UEVLD: variants seen among roughly 807,000 people sequenced by gnomAD.
UEVLD encodes the protein UEV and lactate/malate dehyrogenase domains.
A neutral mutation model predicts 58.6 loss-of-function variants in UEVLD; 47 were observed. The ratio of observed to expected loss-of-function variants is 0.80; its 90% CI spans 0.63 to 1.02. The LOEUF (loss-of-function observed/expected upper bound fraction) is 1.02, where lower values mean the gene tolerates loss of function less well. Ranked by LOEUF, UEVLD falls within the 50% of genes least tolerant of loss-of-function variation. UEVLD has a pLI of 0.00. For missense variants in UEVLD, 510 were observed against 550.6 expected (o/e 0.93, Z 0.74); for synonymous variants, 197 against 195.3 (o/e 1.01, Z -0.07).
chr11:18,588,676 G>A lies in UEVLD; in HGVS notation c.-22C>T, dbSNP rs773129820. On this transcript the variant is annotated 5_prime_UTR_variant, in exon 1 of 12. Coordinates refer to ENST00000396197, the MANE Select transcript of UEVLD (RefSeq NM_001040697.4). ...CCATCTCCAGGCCGGTCCCGAGCTA[G>A]GTCCCAGGACTCCAGCCCCCGGACC... 5.0e-6 allele frequency: 8 copies of A among 1,606,818 alleles called. No individual in the cohort carries two copies. In the African/African-American group the frequency reaches 5.3e-5, roughly 11 times the overall value.
chr11:18,578,874 C>CT (rs796532513), intron 1 of UEVLD, 66 bp from the exon 2 acceptor site: 91,270 of 929,706 alleles, frequency 0.098, 4 homozygotes, highest in South Asian at 0.13. Flanking sequence ...TTGCAGTTAA[C>CT]TTTTTTTTTT....
chr11:18,551,496 G>A (rs969970611), intron 7 of UEVLD, among the ~76,000 whole-genome samples: 1 of 150,818 alleles, frequency 6.6e-6, no homozygotes, highest in South Asian at 2.1e-4. Context: ...CCCTACTAAG[G>A]TCCTGTCATG....
chr11:18,564,746 C>T (rs1427301561), intron 6 of UEVLD, 146 bp downstream of exon 6: 2 of 549,292 alleles, frequency 3.6e-6, no homozygotes, highest in African/African-American at 1.9e-5. Context: ...AAGCTTTCAA[C>T]TTTTTTGTCA....
At chr11:18,557,314 G>A (rs1851795893) in intron 7 of UEVLD, among the ~76,000 whole-genome samples, 1 of 151,564 alleles carries the variant, frequency 6.6e-6, no homozygotes, top group African/African-American at 2.4e-5. Context: ...ACCATGCCCG[G>A]CTAATTTTTT....
At chr11:18,584,794 G>A (rs753493878) in intron 1 of UEVLD, among the ~76,000 whole-genome samples, 11 of 151,946 alleles carry the variant, frequency 7.2e-5, no homozygotes, top group South Asian at 2.1e-4. Context: ...CAGGATGCCC[G>A]GCTAATTTTT....
At chr11:18,549,880 G>A (rs1206675628) in intron 7 of UEVLD, among the ~76,000 whole-genome samples, 1 of 150,304 alleles carries the variant, frequency 6.7e-6, no homozygotes, top group Non-Finnish European at 1.5e-5. Context: ...GTAGTGCAAT[G>A]GTGCCATCTT....
intron 1 of UEVLD, among the ~76,000 whole-genome samples, chr11:18,583,354 G>A (rs536492849): frequency 6.6e-6 from 1 of 151,530 alleles, no homozygotes; most frequent in East Asian, 1.9e-4. Flanking sequence ...CCAAATAGCT[G>A]GGATTACAGG....
chr11:18,553,959 T>C (rs1005912275), intron 7 of UEVLD, among the ~76,000 whole-genome samples: 16 of 152,188 alleles, frequency 1.1e-4, no homozygotes, highest in African/African-American at 3.9e-4. Flanking sequence ...AAGTCACCAA[T>C]GGTAAATTTT....
At position 18,578,641 on chromosome 11, in the gene UEVLD, A is replaced by G. The variant is rs1325365900; in HGVS notation, c.127+83T>C. 5 of 933,242 alleles carry G rather than the reference A, an allele frequency of 5.4e-6. No individual in the cohort carries two copies. In the East Asian group the frequency reaches 9.9e-5, roughly 19 times the overall value. The allele number at this position is 933,242 out of a possible 1,614,324, so 57.8% of individuals were successfully genotyped here. A position where few individuals can be genotyped will look rare whatever the true frequency, so the allele number is the denominator to read the frequency against. On this transcript the variant is annotated intron_variant, in intron 2 of 11. Transcript: ENST00000396197. ...ATCAGAGGATAAAAGAGAAAAAGAGAAATTACAATTTTGCAGCTCTTTAGG... is the reference window on the plus strand; with the variant it reads ...ATCAGAGGATAAAAGAGAAAAAGAGGAATTACAATTTTGCAGCTCTTTAGG...
chr11:18,573,633 T>C (rs576714436), intron 3 of UEVLD, among the ~76,000 whole-genome samples: 15 of 152,332 alleles, frequency 9.8e-5, no homozygotes, highest in African/African-American at 3.6e-4. Flanking sequence ...CATTCTCCTA[T>C]GCATAAAAAC....
intron 9 of UEVLD, 60 bp from the exon 10 acceptor site, chr11:18,536,529 TAAC>T: frequency 7.1e-7 from 1 of 1,404,726 alleles, no homozygotes; most frequent in Non-Finnish European, 1.0e-6. Flanking sequence ...TAAGATGTGA[TAAC>T]AGATCTTTTG....
chr11:18,575,067 G>A (rs1198362691), intron 3 of UEVLD, among the ~76,000 whole-genome samples: 1 of 151,976 alleles, frequency 6.6e-6, no homozygotes, highest in Non-Finnish European at 1.5e-5. Flanking sequence ...GTGTCTTTTG[G>A]GCAATGTATT....
At chr11:18,579,200 G>A (rs778048286) in intron 1 of UEVLD, among the ~76,000 whole-genome samples, 8 of 152,048 alleles carry the variant, frequency 5.3e-5, no homozygotes, top group East Asian at 1.9e-4. Flanking sequence ...TTTACGGTGT[G>A]GTAGGCCCTG....
At chr11:18,558,198 G>T in intron 7 of UEVLD, 30 bp downstream of exon 7, 1 of 1,509,186 alleles carries the variant, frequency 6.6e-7, no homozygotes, top group Admixed American at 1.8e-5. Context: ...GATCTAATAA[G>T]GCATACATCT....
At chr11:18,556,055 T>G (rs1424495038) in intron 7 of UEVLD, among the ~76,000 whole-genome samples, 2 of 152,212 alleles carry the variant, frequency 1.3e-5, no homozygotes, top group African/African-American at 4.8e-5. Flanking sequence ...ACTGACTCCC[T>G]ACTTGGTGGC....
At chr11:18,569,302 GTTTGT>G (rs1364411268) in intron 4 of UEVLD, among the ~76,000 whole-genome samples, 6 of 152,170 alleles carry the variant, frequency 3.9e-5, no homozygotes, top group Admixed American at 6.5e-5. Flanking sequence ...ATAAGCAAAG[GTTTGT>G]TTTAAGGATA....
At chr11:18,572,072 TA>T (rs1852649757) in intron 3 of UEVLD, among the ~76,000 whole-genome samples, 1 of 151,486 alleles carries the variant, frequency 6.6e-6, no homozygotes, top group South Asian at 2.1e-4. Context: ...CCATCTCTAC[TA>T]AAAATACAAA....
intron 4 of UEVLD, among the ~76,000 whole-genome samples, chr11:18,568,793 C>G (rs1351871065): frequency 1.3e-5 from 2 of 152,052 alleles, no homozygotes; most frequent in South Asian, 2.1e-4. Context: ...TATAAGCTGT[C>G]TATAAAATAA....
intron 1 of UEVLD, among the ~76,000 whole-genome samples, chr11:18,581,217 G>A (rs1285902607): frequency 1.3e-5 from 2 of 150,872 alleles, no homozygotes; most frequent in East Asian, 1.9e-4. Context: ...CAACAGGTGT[G>A]TATGAAGGTC....
Sources: gnomAD v4.1 joint callset for allele counts (sites outside exome capture counted in the v4.1 genomes callset) on GRCh38, gnomAD v4.1.1 for gene constraint, MANE v1.5 for transcripts, NCBI Gene and HGNC (gene_info 2026-07-23, HGNC 2026-07-21) for gene names.